ESRRG: variants seen among roughly 807,000 people sequenced by gnomAD.
The protein encoded by ESRRG is estrogen related receptor gamma, also known as estrogen-related receptor gamma.
In ESRRG, 13 loss-of-function variants were observed where a neutral mutation model predicts 44.0. The ratio of observed to expected loss-of-function variants is 0.30; its 90% CI spans 0.19 to 0.47. The LOEUF (loss-of-function observed/expected upper bound fraction) is 0.47. Among genes scored for constraint, ESRRG ranks in the 20% least tolerant of loss-of-function variants. The pLI, the probability that ESRRG is intolerant of heterozygous loss-of-function variation, is 1.00. For synonymous variants in ESRRG, 215 were observed against 214.6 expected, an observed-to-expected ratio of 1.00 and a Z score of -0.02; for missense variants, 395 against 580.6, an observed-to-expected ratio of 0.68 and a Z score of 3.29.
chr1:216,561,679 C>T (rs1186828232), intron 5 of ESRRG, among the ~76,000 whole-genome samples: 2 of 151,856 alleles, frequency 1.3e-5, no homozygotes, highest in African/African-American at 4.9e-5. Context: ...CTACCTCAAG[C>T]GCTGTATGGC....
At chr1:216,979,271 T>C (rs1290844043) in intron 1 of ESRRG, among the ~76,000 whole-genome samples, 1 of 152,164 alleles carries the variant, frequency 6.6e-6, no homozygotes, top group Non-Finnish European at 1.5e-5. Flanking sequence ...GATTCAGGAT[T>C]GGCTTTAAGG....
rs146041953 is a variant in ESRRG at position 217,047,181 on chromosome 1, A to G, written c.-106+42326T>C. Reference sequence around the variant, plus strand: ...AATCTAGTTACCATCTTCTAATTTAATACCCATCTACCAACTTTATGATTA... The same window carrying G: ...AATCTAGTTACCATCTTCTAATTTAGTACCCATCTACCAACTTTATGATTA... On this transcript the variant is annotated intron_variant, in intron 1 of 7. Transcript: ENST00000359162. Among the ~76,000 whole-genome samples, 1,027 of 152,204 alleles carry G rather than the reference A, an allele frequency of 6.7e-3. 9 individuals are homozygous for G. Among genetic ancestry groups the G allele is most frequent in the African/African-American group, 0.024 (989 of 41,532 alleles).
chr1:216,728,791 C>G (rs1431861018), intron 2 of ESRRG, among the ~76,000 whole-genome samples: 1 of 147,862 alleles, frequency 6.8e-6, no homozygotes, highest in African/African-American at 2.5e-5. Context: ...TTTCAAAGGA[C>G]TAGTAAAAAA....
intron 3 of ESRRG, among the ~76,000 whole-genome samples, chr1:216,610,650 T>C (rs79205803): frequency 0.017 from 2,646 of 152,238 alleles, 80 homozygotes; most frequent in African/African-American, 0.06. Context: ...GATATGAGGA[T>C]AGCTAAGTGC....
rs911613533 is a variant in ESRRG at position 216,506,693 on chromosome 1, G to T, written c.*246C>A. 6.8e-6 allele frequency: 4 copies of T among 586,348 alleles called. No individual in the cohort carries two copies. Among genetic ancestry groups the T allele is most frequent in the Non-Finnish European group, 9.2e-6 (3 of 324,676 alleles). The allele number at this position is 586,348 out of a possible 1,614,324, so 36.3% of individuals were successfully genotyped here. A position where few individuals can be genotyped will look rare whatever the true frequency, so the allele number is the denominator to read the frequency against. ...TAAGGGAGGTGAAAGAAGAAAAGGA[G>T]AAAAAATAAAGAGAAAGAGAAATGT... On this transcript the variant is annotated 3_prime_UTR_variant, in exon 7 of 7. Coordinates refer to ENST00000408911, the MANE Select transcript of ESRRG (RefSeq NM_001438.4).
intron 1 of ESRRG, among the ~76,000 whole-genome samples, chr1:217,018,485 C>G (rs2079778036): frequency 6.6e-6 from 1 of 152,112 alleles, no homozygotes; most frequent in South Asian, 2.1e-4. Flanking sequence ...TAATATCGTG[C>G]ACAAAGCCTT....
chr1:216,670,730 G>C lies in ESRRG; in HGVS notation c.472+6346C>G, dbSNP rs113909405. Among the ~76,000 whole-genome samples the C allele has an allele frequency of 1.9e-3, 284 of 152,284 alleles. 3 individuals are homozygous for C. Among genetic ancestry groups the C allele is most frequent in the African/African-American group, 6.4e-3 (265 of 41,564 alleles). ...TAGACCTGGGCGTGGTCAAGGAACA[G>C]CTGTTTGGAAGGGGTCACTGGGCCT... On this transcript the variant is annotated intron_variant, in intron 2 of 6. Coordinates refer to ENST00000408911, the MANE Select transcript of ESRRG (RefSeq NM_001438.4).
intron 1 of ESRRG, among the ~76,000 whole-genome samples, chr1:217,051,943 T>C (rs142812190): frequency 1.3e-5 from 2 of 151,930 alleles, no homozygotes; most frequent in Admixed American, 6.6e-5. Flanking sequence ...ATTTATTTAT[T>C]TATTTATTTT....
chr1:216,628,467 T>G (rs2063558368), intron 3 of ESRRG, among the ~76,000 whole-genome samples: 1 of 152,202 alleles, frequency 6.6e-6, no homozygotes, highest in Non-Finnish European at 1.5e-5. Context: ...TTGGAGTAGA[T>G]TCCCTTATGA....
At chr1:216,794,630 G>T (rs1207415625) in intron 2 of ESRRG, among the ~76,000 whole-genome samples, 4 of 152,068 alleles carry the variant, frequency 2.6e-5, no homozygotes, top group Admixed American at 2.6e-4. Context: ...TTTTCCCACT[G>T]ACTAAGCCCC....
chr1:216,913,987 T>G (rs1362874555), intron 2 of ESRRG, among the ~76,000 whole-genome samples: 1 of 152,218 alleles, frequency 6.6e-6, no homozygotes, highest in Non-Finnish European at 1.5e-5. Context: ...ACTACATTAT[T>G]ATTTTTGCAA....
In ESRRG at chr1:216,771,521, T is replaced by G. The variant is rs17043774; in HGVS notation, c.-13-94030A>C. ...TGAAATATACATCTAAACTCAGAATTTGTCAAAATTTTGTAACTGGGAGAT... is the reference window on the plus strand; with the variant it reads ...TGAAATATACATCTAAACTCAGAATGTGTCAAAATTTTGTAACTGGGAGAT... On this transcript the variant is annotated intron_variant, in intron 2 of 7. Coordinates refer to the ESRRG transcript ENST00000359162. 7.2e-3 allele frequency among the ~76,000 whole-genome samples: 1,102 copies of G among 152,228 alleles called. 52 individuals are homozygous for G. The East Asian group carries it at 0.13, about 18-fold the overall frequency.
intron 1 of ESRRG, among the ~76,000 whole-genome samples, chr1:217,137,224 T>C (rs2093062028): frequency 6.6e-6 from 1 of 152,210 alleles, no homozygotes; most frequent in Non-Finnish European, 1.5e-5. Flanking sequence ...GCAGTTTATG[T>C]AGTGGCGTTG....
intron 1 of ESRRG, among the ~76,000 whole-genome samples, chr1:216,976,196 A>G (rs1832523): frequency 0.23 from 35,331 of 152,042 alleles, 4,547 homozygotes; most frequent in East Asian, 0.44. Flanking sequence ...AAATATAAAA[A>G]ATACAAATCA....
chr1:217,019,665 C>G (rs932126349), intron 1 of ESRRG, among the ~76,000 whole-genome samples: 1 of 152,098 alleles, frequency 6.6e-6, no homozygotes, highest in Non-Finnish European at 1.5e-5. Flanking sequence ...AAACACTGAG[C>G]CTGTCATATT....
chr1:217,136,137 A>T (rs2093045930), intron 1 of ESRRG, among the ~76,000 whole-genome samples: 3 of 152,124 alleles, frequency 2.0e-5, no homozygotes, highest in Non-Finnish European at 4.4e-5. Flanking sequence ...ACTGGATGGG[A>T]AGGGCAAAGA....
intron 2 of ESRRG, among the ~76,000 whole-genome samples, chr1:216,732,643 T>C (rs1397698276): frequency 6.6e-6 from 1 of 151,632 alleles, no homozygotes; most frequent in African/African-American, 2.4e-5. Flanking sequence ...AAATGTACAA[T>C]ACGAAAAGGA....
chr1:216,883,091 G>C (rs1383627754), intron 2 of ESRRG, among the ~76,000 whole-genome samples: 7 of 152,030 alleles, frequency 4.6e-5, no homozygotes, highest in Non-Finnish European at 8.8e-5. Context: ...AAGATACTTT[G>C]CTCAGGCTGG....
At chr1:216,616,015 C>T (rs1045346394) in intron 3 of ESRRG, among the ~76,000 whole-genome samples, 5 of 152,164 alleles carry the variant, frequency 3.3e-5, no homozygotes, top group African/African-American at 9.7e-5. Context: ...AAGGTCTCCA[C>T]CTCAGCCTGA....
Sources: gnomAD v4.1 joint callset for allele counts (sites outside exome capture counted in the v4.1 genomes callset) on GRCh38, gnomAD v4.1.1 for gene constraint, MANE v1.5 for transcripts, NCBI Gene and HGNC (gene_info 2026-07-23, HGNC 2026-07-21) for gene names.